Variants in DNAJC2 observed in about 807,000 individuals in gnomAD.
DNAJC2 encodes dnaJ homolog subfamily C member 2.
Under a neutral mutation model 94.0 loss-of-function variants are expected in DNAJC2, and 32 were observed. The ratio of observed to expected loss-of-function variants is 0.34; its 90% CI spans 0.26 to 0.46. DNAJC2 has a LOEUF of 0.46. Among genes scored for constraint, DNAJC2 ranks in the 20% least tolerant of loss-of-function variants. DNAJC2 has a pLI of 1.00. For synonymous variants in DNAJC2, 210 were observed against 229.7 expected, an observed-to-expected ratio of 0.91 and a Z score of 0.77; for missense variants, 550 against 719.5, an observed-to-expected ratio of 0.76 and a Z score of 2.69.
rs572882959 is a variant in DNAJC2 at position 103,320,563 on chromosome 7, A to G, written c.1084-719T>C. Among the ~76,000 whole-genome samples the G allele has an allele frequency of 2.4e-3, 366 of 151,352 alleles. 4 individuals carry two copies. Among genetic ancestry groups the G allele is most frequent in the African/African-American group, 8.5e-3 (352 of 41,290 alleles). On this transcript the variant is annotated intron_variant, in intron 10 of 16. Transcript: ENST00000379263. ...ATCGTGAGGTCAGGAGATCGAGACC[A>G]TCCTGGCTAACACAGTGAAACCCCG... is the stretch of plus-strand genomic sequence containing the variant.
intron 5 of DNAJC2, 135 bp from the exon 6 acceptor site, chr7:103,324,697 G>A (rs765524515): frequency 7.8e-6 from 7 of 898,774 alleles, no homozygotes; most frequent in Non-Finnish European, 1.1e-5. Flanking sequence ...TCTACAACTC[G>A]AAGATGGAGC....
At chr7:103,334,043 CG>C (rs879399717) in intron 3 of DNAJC2, among the ~76,000 whole-genome samples, 3 of 151,804 alleles carry the variant, frequency 2.0e-5, no homozygotes, top group Non-Finnish European at 4.4e-5. Context: ...CTCCACCTCC[CG>C]GGTTCACGCC....
intron 15 of DNAJC2, among the ~76,000 whole-genome samples, chr7:103,315,470 C>T (rs998189040): frequency 2.6e-5 from 4 of 152,070 alleles, no homozygotes; most frequent in African/African-American, 7.2e-5. Context: ...GCAATTATCC[C>T]GATATAACAC....
chr7:103,332,779 A>G (rs925000866), intron 3 of DNAJC2, among the ~76,000 whole-genome samples: 2 of 152,046 alleles, frequency 1.3e-5, no homozygotes, highest in African/African-American at 4.8e-5. Flanking sequence ...ACGCACCACT[A>G]TGCCCAGCTA....
At chr7:103,338,180 G>A (rs1432810391) in intron 2 of DNAJC2, among the ~76,000 whole-genome samples, 3 of 151,858 alleles carry the variant, frequency 2.0e-5, no homozygotes, top group Non-Finnish European at 4.4e-5. Context: ...AGAAGTAGCA[G>A]GATTACTTGA....
intron 1 of DNAJC2, 99 bp from the exon 2 acceptor site, chr7:103,342,053 TACCAGCATATACTTTTAAA>T: frequency 1.1e-6 from 1 of 872,394 alleles, no homozygotes; most frequent in South Asian, 3.1e-5. Context: ...AAAACAGTGA[TACCAGCATATACTTTTAAA>T]ACCACCGACT....
intron 3 of DNAJC2, among the ~76,000 whole-genome samples, chr7:103,331,388 T>C (rs1376960468): frequency 6.6e-6 from 1 of 152,248 alleles, no homozygotes; most frequent in African/African-American, 2.4e-5. Context: ...CTTCTAGCTA[T>C]TTTGAAATAT....
chr7:103,321,710 G>A (rs889878682), intron 10 of DNAJC2, among the ~76,000 whole-genome samples: 5 of 152,036 alleles, frequency 3.3e-5, no homozygotes, highest in African/African-American at 4.8e-5. Flanking sequence ...TTAGCCAGGC[G>A]TGGTGGCACA....
chr7:103,317,657 T>C (rs959018088), intron 12 of DNAJC2, among the ~76,000 whole-genome samples: 8 of 152,132 alleles, frequency 5.3e-5, no homozygotes, highest in African/African-American at 1.9e-4. Flanking sequence ...TTTTTCTTTC[T>C]TTCTTACTTT....
At chr7:103,323,736 G>C (rs1463265443) in intron 6 of DNAJC2, 73 bp from the exon 7 acceptor site, 1 of 1,153,900 alleles carries the variant, frequency 8.7e-7, no homozygotes, top group East Asian at 3.2e-5. Context: ...GCAAGTGAAT[G>C]AATTTGTTTT....
chr7:103,344,497 G>A, intron 1 of DNAJC2, 62 bp downstream of exon 1: 1 of 1,589,460 alleles, frequency 6.3e-7, no homozygotes, highest in South Asian at 1.1e-5. Flanking sequence ...GGGTTGCCGA[G>A]GCGGAGGACT....
chr7:103,335,022 C>T (rs774594722), intron 3 of DNAJC2, among the ~76,000 whole-genome samples: 14 of 151,922 alleles, frequency 9.2e-5, no homozygotes, highest in Non-Finnish European at 1.8e-4. Context: ...TTAGTAGAGA[C>T]GGGGTTTCGC....
chr7:103,341,541 G>A (rs971600914), intron 2 of DNAJC2, among the ~76,000 whole-genome samples: 2 of 152,144 alleles, frequency 1.3e-5, no homozygotes, highest in Non-Finnish European at 2.9e-5. Flanking sequence ...TTTAAGACCG[G>A]TGCAAACATT....
intron 1 of DNAJC2, among the ~76,000 whole-genome samples, chr7:103,343,896 A>C (rs1198177871): frequency 6.6e-6 from 1 of 152,210 alleles, no homozygotes; most frequent in African/African-American, 2.4e-5. Context: ...ATCACATTCA[A>C]CAAGCGCCTA....
At chr7:103,326,728 A>G (rs1358785354) in intron 4 of DNAJC2, 44 bp from the exon 5 acceptor site, 22 of 1,540,856 alleles carry the variant, frequency 1.4e-5, no homozygotes, top group Non-Finnish European at 1.8e-5. Context: ...AACTTTACCT[A>G]TTTTTTCCTG....
chr7:103,314,532 A>C, intron 15 of DNAJC2: 1 of 985,206 alleles, frequency 1.0e-6, no homozygotes, highest in Middle Eastern at 5.2e-4. Flanking sequence ...TCCCCCTAAG[A>C]AAGAGCTGAG....
chr7:103,337,493 C>G (rs1453335891), intron 3 of DNAJC2: 1 of 366,892 alleles, frequency 2.7e-6, no homozygotes, highest in Non-Finnish European at 4.9e-6. Flanking sequence ...TATTTTGTAT[C>G]CACACACACA....
rs779830382 is a variant in DNAJC2 at position 103,323,625 on chromosome 7, T to C, written c.692A>G (p.Asp231Gly). Residue 231 changes from aspartate (D) to glycine (G), a missense_variant, in exon 7 of 17, where the codon GAT becomes GGT. Asp to Gly is a moderately conservative substitution (Grantham distance 94). Coordinates refer to ENST00000379263, the MANE Select transcript of DNAJC2 (RefSeq NM_014377.3). The stretch of plus-strand genomic sequence containing the variant: ...TTCTGCTTTTTCTTTTTCTTCTTCA[T>C]CTAAATAAGAAAATTCTCTCCAAGA... ...FDSWREFSYL[D>G]EEEKEKAECR... 6.8e-7 allele frequency: 1 copy of C among 1,461,912 alleles called. No individual in the cohort carries two copies. The highest frequency in any genetic ancestry group is 1.3e-5 in the South Asian group (1 of 79,964). The allele number at this position is 1,461,912 out of a possible 1,614,324, so 90.6% of individuals were successfully genotyped here.
chr7:103,328,158 G>T (rs950434525), intron 3 of DNAJC2, among the ~76,000 whole-genome samples: 2 of 151,812 alleles, frequency 1.3e-5, no homozygotes, highest in African/African-American at 4.8e-5. Flanking sequence ...TTGACCTCAG[G>T]TGATCCACCC....
Sources: gnomAD v4.1 joint callset for allele counts (sites outside exome capture counted in the v4.1 genomes callset) on GRCh38, gnomAD v4.1.1 for gene constraint, MANE v1.5 for transcripts, NCBI Gene and HGNC (gene_info 2026-07-23, HGNC 2026-07-21) for gene names.